The following PTCHD1 variants were observed in gnomAD, a reference collection of about 807,000 sequenced individuals.
PTCHD1 encodes the protein patched domain containing 1, also known as patched domain-containing protein 1.
In PTCHD1, 3 loss-of-function variants were observed where a neutral mutation model predicts 34.6. The observed-to-expected ratio is 0.09, with a 90% CI of 0.04 to 0.22. The LOEUF (loss-of-function observed/expected upper bound fraction) is 0.22, where lower values mean the gene tolerates loss of function less well. Among genes scored for constraint, PTCHD1 ranks in the 10% least tolerant of loss-of-function variants. The pLI, the probability that PTCHD1 is intolerant of heterozygous loss-of-function variation, is 1.00. For synonymous variants in PTCHD1, 305 were observed against 283.1 expected, an observed-to-expected ratio of 1.08 and a Z score of -0.77; for missense variants, 504 against 685.5, an observed-to-expected ratio of 0.74 and a Z score of 2.96.
At chrX:23,383,558 A>G (rs766309107) in intron 2 of PTCHD1, among the ~76,000 whole-genome samples, 1 of 111,946 alleles carries the variant, frequency 8.9e-6, no homozygotes, top group South Asian at 3.8e-4. Flanking sequence ...AGCCAAGATG[A>G]TATGTGACAG....
At chrX:23,334,780 GCGCCGCTGCCGC>G (rs1281391118), upstream of PTCHD1, 17 of 266,362 alleles carry the variant, frequency 6.4e-5, no homozygotes, top group East Asian at 3.0e-4. Flanking sequence ...GCCGCCGCGG[GCGCCGCTGCCGC>G]CGCCGCCGCC....
intron 2 of PTCHD1, among the ~76,000 whole-genome samples, chrX:23,392,074 C>CTTTCTTTTTTTT (rs367570857): frequency 1.1e-4 from 6 of 52,349 alleles, no homozygotes; most frequent in African/African-American, 6.3e-4. Flanking sequence ...TTCTTTCTTT[C>CTTTCTTTTTTTT]TTTTTTTTTT....
intron 1 of PTCHD1, among the ~76,000 whole-genome samples, chrX:23,363,849 G>A (rs1255151534): frequency 8.9e-6 from 1 of 112,427 alleles, no homozygotes; most frequent in Non-Finnish European, 1.9e-5. Flanking sequence ...ATACCACTAT[G>A]TACACCTGAG....
intron 2 of PTCHD1, among the ~76,000 whole-genome samples, chrX:23,384,654 A>G (rs1371757146): frequency 2.7e-5 from 3 of 112,300 alleles, no homozygotes; most frequent in East Asian, 2.8e-4. Context: ...TTTAGTTCCA[A>G]CTGAAACATT....
At chrX:23,388,483 G>A (rs1035361573) in intron 2 of PTCHD1, among the ~76,000 whole-genome samples, 2 of 112,243 alleles carry the variant, frequency 1.8e-5, no homozygotes, top group Non-Finnish European at 3.8e-5. Flanking sequence ...GTTTGCCTAC[G>A]TCTGTAAGAT....
intron 1 of PTCHD1, among the ~76,000 whole-genome samples, chrX:23,356,517 T>A (rs1455047893): frequency 1.8e-5 from 2 of 111,777 alleles, no homozygotes; most frequent in Admixed American, 1.9e-4. Flanking sequence ...AGCCCCAGTT[T>A]CTTATTAGTG....
intron 1 of PTCHD1, among the ~76,000 whole-genome samples, chrX:23,338,520 C>A (rs1394215578): frequency 4.5e-5 from 5 of 112,193 alleles, no homozygotes; most frequent in Non-Finnish European, 7.5e-5. Flanking sequence ...CAGCCCAGTA[C>A]TTATGATAAT....
intron 2 of PTCHD1, among the ~76,000 whole-genome samples, chrX:23,381,907 G>T (rs917065234): frequency 1.8e-5 from 2 of 112,084 alleles, no homozygotes; most frequent in South Asian, 3.8e-4. Context: ...AGTATTAGTA[G>T]CTTCCACAGA....
At chrX:23,365,017 C>A (rs1022537223) in intron 1 of PTCHD1, among the ~76,000 whole-genome samples, 3 of 112,112 alleles carry the variant, frequency 2.7e-5, no homozygotes, top group African/African-American at 9.7e-5. Context: ...ACGGTACATT[C>A]TCATCAGCAG....
chrX:23,395,244 A>G lies in PTCHD1; in HGVS notation c.*1059A>G, dbSNP rs1190559056. On this transcript the variant is annotated 3_prime_UTR_variant, in exon 3 of 3. Coordinates refer to ENST00000379361, the MANE Select transcript of PTCHD1 (RefSeq NM_173495.3). ...AAAACTGCGGGGAAAAAAAATGAAC[A>G]CTGAAATAGTTATTTGCTGTTGCTT... 8.9e-6 allele frequency: 1 copy of G among 112,197 alleles called. No individual in the cohort carries two copies. The highest frequency in any genetic ancestry group is 3.2e-5 in the African/African-American group (1 of 30,821). 9.2% of individuals were successfully genotyped at this position (112,197 alleles called of 1,213,427 possible). A position where few individuals can be genotyped will look rare whatever the true frequency, so the allele number is the denominator to read the frequency against.
intron 2 of PTCHD1, among the ~76,000 whole-genome samples, chrX:23,387,672 G>A (rs1038962898): frequency 1.8e-5 from 2 of 111,483 alleles, no homozygotes; most frequent in African/African-American, 6.5e-5. Flanking sequence ...CAAAAACCTC[G>A]AGCTGCCTCA....
intron 1 of PTCHD1, among the ~76,000 whole-genome samples, chrX:23,342,302 ATATATATAT>A (rs1178391729): frequency 4.0e-4 from 4 of 10,016 alleles, no homozygotes; most frequent in Admixed American, 2.4e-3. Flanking sequence ...ATATATATAT[ATATATATAT>A]TTTTTTTTTT....
intron 1 of PTCHD1, among the ~76,000 whole-genome samples, chrX:23,374,665 A>G (rs1287090020): frequency 9.3e-6 from 1 of 107,660 alleles, no homozygotes; most frequent in African/African-American, 3.4e-5. Context: ...GGTTTCATCT[A>G]TCAGATCGGA....
chrX:23,334,787 TGCCGCCGCCGCCGCCGCCGCCGCC>T, upstream of PTCHD1: 3 of 355,323 alleles, frequency 8.4e-6, no homozygotes, highest in Non-Finnish European at 1.1e-5. Context: ...CGGGCGCCGC[TGCCGCCGCCGCCGCCGCCGCCGCC>T]GCCGCCGCCC....
At chrX:23,363,451 T>A (rs1407800184) in intron 1 of PTCHD1, among the ~76,000 whole-genome samples, 1 of 113,142 alleles carries the variant, frequency 8.8e-6, no homozygotes, top group Non-Finnish European at 1.9e-5. Flanking sequence ...GCATGGGACC[T>A]GCCGAACCAG....
chrX:23,375,553 A>G lies in PTCHD1; in HGVS notation c.352-4038A>G, dbSNP rs1353239975. The stretch of plus-strand genomic sequence containing the variant: ...CTCGGCCTCCCAAAGTGCTGGGATT[A>G]CAGGCGTGAGCCACCGCGCCGCCCG... On this transcript the variant is annotated intron_variant, in intron 1 of 2. Coordinates refer to ENST00000379361, the MANE Select transcript of PTCHD1 (RefSeq NM_173495.3). Among the ~76,000 whole-genome samples the G allele has an allele frequency of 9.0e-5, 5 of 55,623 alleles. No homozygotes were observed. In the Admixed American group the frequency reaches 9.9e-4, roughly 11 times the overall value. 48.3% of individuals were successfully genotyped at this position (55,623 alleles called of 115,157 possible). A position where few individuals can be genotyped will look rare whatever the true frequency, so the allele number is the denominator to read the frequency against.
intron 1 of PTCHD1, among the ~76,000 whole-genome samples, chrX:23,352,518 A>C (rs1921664353): frequency 8.9e-6 from 1 of 112,204 alleles, no homozygotes. Context: ...AAAGTAAGAA[A>C]GAATTATTAA....
intron 1 of PTCHD1, among the ~76,000 whole-genome samples, chrX:23,361,793 G>C (rs1003267713): frequency 8.9e-6 from 1 of 112,078 alleles, no homozygotes; most frequent in Non-Finnish European, 1.9e-5. Flanking sequence ...GGTACCGTTT[G>C]TTCCTTTCCA....
intron 1 of PTCHD1, among the ~76,000 whole-genome samples, chrX:23,343,773 A>G (rs1306423566): frequency 8.9e-6 from 1 of 112,759 alleles, no homozygotes; most frequent in Non-Finnish European, 1.9e-5. Context: ...CCATTCCTCC[A>G]TGAGGCTCTC....
Sources: gnomAD v4.1 joint callset for allele counts (sites outside exome capture counted in the v4.1 genomes callset) on GRCh38, gnomAD v4.1.1 for gene constraint, MANE v1.5 for transcripts, NCBI Gene and HGNC (gene_info 2026-07-23, HGNC 2026-07-21) for gene names.